JMJD1C: variants seen among roughly 807,000 people sequenced by gnomAD.
JMJD1C encodes jumonji domain containing 1C.
A neutral mutation model predicts 245.3 loss-of-function variants in JMJD1C; 31 were observed. The observed-to-expected ratio is 0.13, with a 90% CI of 0.09 to 0.17. The LOEUF (loss-of-function observed/expected upper bound fraction) is 0.17, where lower values mean the gene tolerates loss of function less well. JMJD1C is among the 10% of genes least tolerant of loss of function. The pLI, the probability that JMJD1C is intolerant of heterozygous loss-of-function variation, is 1.00. For synonymous variants in JMJD1C, 1,057 were observed against 1,017.4 expected (o/e 1.04, Z -0.74); for missense variants, 2,691 against 3,000.2 (o/e 0.90, Z 2.41).
intron 2 of JMJD1C, among the ~76,000 whole-genome samples, chr10:63,276,246 C>A (rs1856757512): frequency 6.6e-6 from 1 of 152,036 alleles, no homozygotes; most frequent in Non-Finnish European, 1.5e-5. Context: ...GCGGGCAGAT[C>A]ACAAGGTCAG....
chr10:63,202,700 G>A (rs1038082806), intron 10 of JMJD1C: 41 of 985,094 alleles, frequency 4.2e-5, no homozygotes, highest in African/African-American at 5.2e-5. Context: ...CACATCTCCC[G>A]GTTATGGTAT....
chr10:63,236,722 T>TA (rs1564658036), intron 3 of JMJD1C, among the ~76,000 whole-genome samples: 2 of 152,030 alleles, frequency 1.3e-5, no homozygotes, highest in African/African-American at 4.8e-5. Flanking sequence ...CTTTAAGAAG[T>TA]AAAAAATTCC....
At chr10:63,519,668 G>A (rs1253444452) in intron 1 of JMJD1C, among the ~76,000 whole-genome samples, 4 of 152,226 alleles carry the variant, frequency 2.6e-5, no homozygotes, top group Non-Finnish European at 4.4e-5. Flanking sequence ...ATGTCTTCAT[G>A]GCACAGGCCA....
chr10:63,440,677 T>C (rs887096247), intron 1 of JMJD1C, among the ~76,000 whole-genome samples: 29 of 152,104 alleles, frequency 1.9e-4, no homozygotes, highest in African/African-American at 5.6e-4. Context: ...ACCACCAGAC[T>C]GTTGCTGGAT....
At position 63,208,366 on chromosome 10, in the gene JMJD1C, C is replaced by G. The variant is rs771035963; in HGVS notation, c.3303G>C (p.Val1101=). Residue 1101 remains valine, a synonymous_variant, in exon 10 of 26, where the codon GTG becomes GTC. Transcript: ENST00000399262. ...GGTATGATCTTGGTGGTTCATTGAC[C>G]ACACTATTAGACAATGTAGTGAAAT... is the stretch of plus-strand genomic sequence containing the variant. ...SNYFTTLSNS[V]VNEPPRSYPS... The G allele has an allele frequency of 1.1e-5, 17 of 1,613,330 alleles. No homozygotes were observed. The Admixed American group carries it at 2.5e-4, about 24-fold the overall frequency.
chr10:63,402,139 A>AC (rs1948899508), intron 1 of JMJD1C, among the ~76,000 whole-genome samples: 1 of 138,824 alleles, frequency 7.2e-6, no homozygotes, highest in African/African-American at 2.5e-5. Context: ...GTCTCAAAAA[A>AC]AAAGAAAAAA....
chr10:63,312,439 T>C (rs2134056054), intron 2 of JMJD1C, among the ~76,000 whole-genome samples: 1 of 152,282 alleles, frequency 6.6e-6, no homozygotes, highest in African/African-American at 2.4e-5. Flanking sequence ...ATCTGTGTGC[T>C]GGTAAGTAAA....
chr10:63,194,916 A>G (rs1845266285), intron 13 of JMJD1C, among the ~76,000 whole-genome samples: 1 of 152,242 alleles, frequency 6.6e-6, no homozygotes, highest in South Asian at 2.1e-4. Flanking sequence ...ATTAAGGCAT[A>G]GCATAGGGCA....
intron 1 of JMJD1C, among the ~76,000 whole-genome samples, chr10:63,394,147 A>G (rs1018585709): frequency 2.0e-5 from 3 of 148,878 alleles, no homozygotes; most frequent in Non-Finnish European, 4.4e-5. Context: ...AGACTGCACC[A>G]CTGAACTCCA....
rs1178352581 is a variant in JMJD1C at position 63,444,584 on chromosome 10, T to C, written c.168+20911A>G. Among the ~76,000 whole-genome samples the C allele has an allele frequency of 2.0e-5, 3 of 152,090 alleles. No homozygotes were observed. The East Asian group carries it at 5.8e-4, about 29-fold the overall frequency. On this transcript the variant is annotated intron_variant, in intron 1 of 25. Coordinates refer to ENST00000399262, the MANE Select transcript of JMJD1C (RefSeq NM_032776.3). Reference sequence around the variant, plus strand: ...CCTCCGTACCCGGTGGACATTTCTATTTAATTAATTAAACAAACAATTACT... The same window carrying C: ...CCTCCGTACCCGGTGGACATTTCTACTTAATTAATTAAACAAACAATTACT...
intron 3 of JMJD1C, among the ~76,000 whole-genome samples, chr10:63,263,499 T>C (rs551735434): frequency 1.8e-4 from 27 of 152,232 alleles, no homozygotes; most frequent in Non-Finnish European, 2.5e-4. Context: ...AATAAAATAG[T>C]ATTAACTTTT....
intron 1 of JMJD1C, among the ~76,000 whole-genome samples, chr10:63,461,210 CA>C (rs1952774302): frequency 6.6e-6 from 1 of 152,134 alleles, no homozygotes; most frequent in Admixed American, 6.5e-5. Flanking sequence ...AAATAGTTGG[CA>C]TACTTACATC....
chr10:63,348,588 G>A (rs1944056910), intron 2 of JMJD1C, among the ~76,000 whole-genome samples: 3 of 152,176 alleles, frequency 2.0e-5, no homozygotes, highest in South Asian at 4.1e-4. Context: ...TAATAAGGAT[G>A]TTGTGAAGAT....
intron 1 of JMJD1C, among the ~76,000 whole-genome samples, chr10:63,408,412 A>G (rs1269507703): frequency 6.6e-6 from 1 of 152,062 alleles, no homozygotes; most frequent in African/African-American, 2.4e-5. Flanking sequence ...AGAAAAAAAA[A>G]ACAGATAAAA....
At chr10:63,315,667 C>T (rs1373464505) in intron 2 of JMJD1C, among the ~76,000 whole-genome samples, 1 of 151,822 alleles carries the variant, frequency 6.6e-6, no homozygotes. Context: ...TGGTGAAACC[C>T]TGTCTCTACT....
intron 22 of JMJD1C, among the ~76,000 whole-genome samples, chr10:63,180,769 A>ATT (rs11318245): frequency 5.1e-4 from 66 of 128,844 alleles, no homozygotes; most frequent in African/African-American, 1.8e-3. Flanking sequence ...TGCACAGCTA[A>ATT]TTTTTTTTTT....
Position 63,465,854 on chromosome 10 carries a change from T to C in JMJD1C, c.-192A>G, listed in dbSNP as rs1564951792. The C allele has an allele frequency of 2.8e-6, 2 of 702,662 alleles. No individual in the cohort carries two copies. Among genetic ancestry groups the C allele is most frequent in the Non-Finnish European group, 5.1e-6 (2 of 388,908 alleles). 43.5% of individuals were successfully genotyped at this position (702,662 alleles called of 1,614,324 possible). A position where few individuals can be genotyped will look rare whatever the true frequency, so the allele number is the denominator to read the frequency against. On this transcript the variant is annotated 5_prime_UTR_variant, in exon 1 of 26. Coordinates refer to ENST00000399262, the MANE Select transcript of JMJD1C (RefSeq NM_032776.3). ...CTCGGGCCCTCCCCGCAAACACTCCTTTGGACTCCCAGATTCGCAGCCTTG... is the reference window on the plus strand; with the variant it reads ...CTCGGGCCCTCCCCGCAAACACTCCCTTGGACTCCCAGATTCGCAGCCTTG...
At chr10:63,449,611 C>A (rs1452973865) in intron 1 of JMJD1C, among the ~76,000 whole-genome samples, 1 of 151,908 alleles carries the variant, frequency 6.6e-6, no homozygotes, top group African/African-American at 2.4e-5. Flanking sequence ...AGGCATATAT[C>A]AATATACATC....
chr10:63,382,704 C>G, intron 1 of JMJD1C: 1 of 447,698 alleles, frequency 2.2e-6, no homozygotes, highest in Non-Finnish European at 4.5e-6. Flanking sequence ...TCATTCAACC[C>G]TTCGCTCCCC....
Sources: gnomAD v4.1 joint callset for allele counts (sites outside exome capture counted in the v4.1 genomes callset) on GRCh38, gnomAD v4.1.1 for gene constraint, MANE v1.5 for transcripts, NCBI Gene and HGNC (gene_info 2026-07-23, HGNC 2026-07-21) for gene names.